The following GTF2B variants were observed in gnomAD, a reference collection of about 807,000 sequenced individuals.
The protein encoded by GTF2B is general transcription factor IIB, also known as transcription initiation factor IIB.
Under a neutral mutation model 34.6 loss-of-function variants are expected in GTF2B, and 20 were observed. That is an observed-to-expected ratio of 0.58 (90% CI 0.41 to 0.84). The LOEUF (loss-of-function observed/expected upper bound fraction) is 0.84. Ranked by LOEUF, GTF2B falls within the 40% of genes least tolerant of loss-of-function variation. The probability of loss-of-function intolerance (pLI) is 0.00; values close to 1 mark genes in which losing one functional copy is unlikely to be tolerated. For missense variants in GTF2B, 237 were observed against 393.3 expected (o/e 0.60, Z 3.36); for synonymous variants, 142 against 132.4 (o/e 1.07, Z -0.50).
chr1:88,874,150 G>A (rs926405542), intron 2 of GTF2B, among the ~76,000 whole-genome samples: 7 of 152,204 alleles, frequency 4.6e-5, no homozygotes, highest in South Asian at 2.1e-4. Context: ...ATTTCATAGC[G>A]CAATGTGAAA....
chr1:88,891,101 C>A (rs1238957852), intron 1 of GTF2B, among the ~76,000 whole-genome samples: 1 of 105,192 alleles, frequency 9.5e-6, no homozygotes, highest in African/African-American at 4.0e-5. Flanking sequence ...TTGTTTGGGC[C>A]GTAGATGAAA....
At chr1:88,860,609 A>G (rs1357258831) in intron 3 of GTF2B, among the ~76,000 whole-genome samples, 1 of 152,234 alleles carries the variant, frequency 6.6e-6, no homozygotes, top group East Asian at 1.9e-4. Flanking sequence ...ATTAAAAGGT[A>G]GTATATCATG....
intron 6 of GTF2B, among the ~76,000 whole-genome samples, chr1:88,856,732 TTA>T (rs761166541): frequency 4.5e-4 from 68 of 152,274 alleles, no homozygotes; most frequent in Non-Finnish European, 9.0e-4. Flanking sequence ...AACATTTTTT[TTA>T]TGAGCTGCTT....
intron 2 of GTF2B, among the ~76,000 whole-genome samples, chr1:88,864,695 A>G (rs1015851015): frequency 6.6e-6 from 1 of 152,240 alleles, no homozygotes; most frequent in Non-Finnish European, 1.5e-5. Context: ...GCAAAGAGGC[A>G]GCATCTAAAT....
At chr1:88,890,157 T>TTA (rs1553164222) in intron 1 of GTF2B, among the ~76,000 whole-genome samples, 1 of 141,310 alleles carries the variant, frequency 7.1e-6, no homozygotes, top group Non-Finnish European at 1.6e-5. Context: ...ATGATAGAAT[T>TTA]AAAAAAAAAA....
At chr1:88,881,222 A>G (rs1256207687) in intron 2 of GTF2B, among the ~76,000 whole-genome samples, 2 of 151,736 alleles carry the variant, frequency 1.3e-5, no homozygotes, top group Non-Finnish European at 2.9e-5. Context: ...AAAACTGCCT[A>G]CAGTACTCAG....
chr1:88,887,358 A>G lies in GTF2B; in HGVS notation c.27T>C (p.Ala9=). 1 of 1,602,012 alleles carries G rather than the reference A, an allele frequency of 6.2e-7. No individual in the cohort carries two copies. The highest frequency in any genetic ancestry group is 1.1e-5 in the South Asian group (1 of 90,834). The change falls in exon 2 of 7, where the codon GCT becomes GCC. Residue 9 remains alanine, a synonymous_variant. Coordinates refer to ENST00000370500, the MANE Select transcript of GTF2B (RefSeq NM_001514.6). ...GGTTTGGACATGTGACTCTTGGAAGAGCATCCAAACTAAAAGAAAAAAGTT... is the reference window on the plus strand; with the variant it reads ...GGTTTGGACATGTGACTCTTGGAAGGGCATCCAAACTAAAAGAAAAAAGTT... MASTSRLD[A]LPRVTCPNHP... is the part of the protein sequence containing the mutation.
At chr1:88,871,049 G>A (rs1288916576) in intron 2 of GTF2B, among the ~76,000 whole-genome samples, 1 of 151,974 alleles carries the variant, frequency 6.6e-6, no homozygotes, top group South Asian at 2.1e-4. Context: ...CTACAGGCGT[G>A]TGCCACCACG....
intron 5 of GTF2B, 26 bp from the exon 6 acceptor site, chr1:88,857,513 CA>C (rs1557652685): frequency 8.0e-7 from 1 of 1,245,470 alleles, no homozygotes; most frequent in East Asian, 2.3e-5. Flanking sequence ...TTAAATAAAT[CA>C]ATTCACTTAA....
intron 2 of GTF2B, among the ~76,000 whole-genome samples, chr1:88,865,840 C>CAAA (rs367626789): frequency 4.3e-4 from 60 of 139,976 alleles, no homozygotes; most frequent in African/African-American, 1.3e-3. Context: ...AACTCCATCT[C>CAAA]AAAAAAAAAA....
intron 6 of GTF2B, 62 bp from the exon 7 acceptor site, chr1:88,853,408 C>T: frequency 4.1e-6 from 6 of 1,451,848 alleles, no homozygotes; most frequent in Non-Finnish European, 5.8e-6. Context: ...CCACTACCTG[C>T]ATTGTAATTT....
intron 2 of GTF2B, among the ~76,000 whole-genome samples, chr1:88,870,632 T>C (rs1165818165): frequency 6.6e-6 from 1 of 152,198 alleles, no homozygotes; most frequent in Non-Finnish European, 1.5e-5. Context: ...TTTTTTAAAT[T>C]TGACTATTCT....
At chr1:88,877,294 T>C (rs1673838320) in intron 2 of GTF2B, among the ~76,000 whole-genome samples, 1 of 152,256 alleles carries the variant, frequency 6.6e-6, no homozygotes, top group African/African-American at 2.4e-5. Context: ...TCCAGTATTT[T>C]CCTTACGTTG....
intron 2 of GTF2B, among the ~76,000 whole-genome samples, chr1:88,882,094 G>A (rs897560727): frequency 6.6e-6 from 1 of 152,042 alleles, no homozygotes; most frequent in Non-Finnish European, 1.5e-5. Context: ...TGGAACACTT[G>A]AGGCCAGGAG....
chr1:88,880,010 G>A (rs1221514414), intron 2 of GTF2B, among the ~76,000 whole-genome samples: 2 of 152,002 alleles, frequency 1.3e-5, no homozygotes, highest in African/African-American at 2.4e-5. Context: ...AGTGAGCAGA[G>A]ATTGTGCCAC....
intron 5 of GTF2B, among the ~76,000 whole-genome samples, chr1:88,859,049 G>C (rs764170147): frequency 6.6e-6 from 1 of 151,942 alleles, no homozygotes; most frequent in Non-Finnish European, 1.5e-5. Context: ...TGTATTTTTA[G>C]TAGAGACGGG....
intron 2 of GTF2B, among the ~76,000 whole-genome samples, chr1:88,866,514 T>C (rs1300411887): frequency 6.6e-6 from 1 of 152,150 alleles, no homozygotes. Flanking sequence ...GCTCAAGCAA[T>C]ACTTCCACCT....
intron 2 of GTF2B, among the ~76,000 whole-genome samples, chr1:88,877,723 G>A (rs1462848987): frequency 3.3e-5 from 5 of 152,216 alleles, no homozygotes; most frequent in African/African-American, 1.2e-4. Flanking sequence ...CTTGAGGTAA[G>A]GAGTTTGAGA....
At chr1:88,853,825 T>C (rs1673242987) in intron 6 of GTF2B, among the ~76,000 whole-genome samples, 1 of 152,130 alleles carries the variant, frequency 6.6e-6, no homozygotes, top group Non-Finnish European at 1.5e-5. Context: ...TAAATGATGT[T>C]TAAAAATCCA....
Sources: gnomAD v4.1 joint callset for allele counts (sites outside exome capture counted in the v4.1 genomes callset) on GRCh38, gnomAD v4.1.1 for gene constraint, MANE v1.5 for transcripts, NCBI Gene and HGNC (gene_info 2026-07-23, HGNC 2026-07-21) for gene names.